PARP11: variants seen among roughly 807,000 people sequenced by gnomAD.
PARP11 encodes protein mono-ADP-ribosyltransferase PARP11.
PARP11 carries 31 observed loss-of-function variants against 42.9 expected under a neutral mutation model. The ratio of observed to expected loss-of-function variants is 0.72; its 90% CI spans 0.54 to 0.98. The LOEUF (loss-of-function observed/expected upper bound fraction) is 0.98. Ranked by LOEUF, PARP11 falls within the 50% of genes least tolerant of loss-of-function variation. PARP11 has a pLI of 0.00. For synonymous variants in PARP11, 137 were observed against 127.3 expected (o/e 1.08, Z -0.51); for missense variants, 365 against 413.1 (o/e 0.88, Z 1.01).
intron 6 of PARP11, among the ~76,000 whole-genome samples, chr12:3,815,438 C>T (rs573176297): frequency 6.6e-6 from 1 of 152,324 alleles, no homozygotes; most frequent in South Asian, 2.1e-4. Flanking sequence ...AACAACATTG[C>T]AAATTTGAAC....
intron 4 of PARP11, among the ~76,000 whole-genome samples, chr12:3,822,456 A>G (rs12317099): frequency 0.091 from 10,643 of 117,390 alleles, 1,041 homozygotes; most frequent in East Asian, 0.18. Flanking sequence ...AAAATTAGCC[A>G]GGCGTGGGGG....
chr12:3,865,495 T>C (rs961435254), intron 1 of PARP11, among the ~76,000 whole-genome samples: 1 of 152,162 alleles, frequency 6.6e-6, no homozygotes. Context: ...CTATTTCTTA[T>C]TGCTATTCTA....
At chr12:3,843,339 C>G (rs1947932397) in intron 1 of PARP11, among the ~76,000 whole-genome samples, 1 of 152,170 alleles carries the variant, frequency 6.6e-6, no homozygotes, top group African/African-American at 2.4e-5. Flanking sequence ...CTGCATCAGT[C>G]AGAACTGCAG....
At chr12:3,858,671 T>C (rs138076334) in intron 1 of PARP11, among the ~76,000 whole-genome samples, 241 of 152,374 alleles carry the variant, frequency 1.6e-3, no homozygotes, top group African/African-American at 5.4e-3. Context: ...CTGTTTGCTG[T>C]TGCTGTTGTT....
At chr12:3,828,868 C>G in intron 3 of PARP11, 42 bp downstream of exon 3, 1 of 1,567,924 alleles carries the variant, frequency 6.4e-7, no homozygotes, top group Non-Finnish European at 8.8e-7. Flanking sequence ...TTTATCATAT[C>G]AATATACTAA....
chr12:3,835,329 T>C (rs188007515), intron 1 of PARP11, among the ~76,000 whole-genome samples: 1 of 152,228 alleles, frequency 6.6e-6, no homozygotes, highest in Non-Finnish European at 1.5e-5. Context: ...AGCTACACAC[T>C]GTGAGGAAAA....
chr12:3,826,806 G>A (rs756042010), intron 3 of PARP11, among the ~76,000 whole-genome samples: 1 of 152,160 alleles, frequency 6.6e-6, no homozygotes, highest in African/African-American at 2.4e-5. Flanking sequence ...AGTGATAAGA[G>A]ACTAAGTACT....
chr12:3,827,670 A>T (rs1167122403), intron 3 of PARP11, among the ~76,000 whole-genome samples: 1 of 152,214 alleles, frequency 6.6e-6, no homozygotes, highest in Non-Finnish European at 1.5e-5. Context: ...TAATTAAAAA[A>T]AAAAGCAAGA....
intron 1 of PARP11, chr12:3,871,658 C>T (rs1948482190): frequency 6.6e-6 from 1 of 152,132 alleles, no homozygotes; most frequent in South Asian, 2.1e-4. Flanking sequence ...ACCATTTTTC[C>T]AGTCAACTCC....
In PARP11 at chr12:3,821,894, T is replaced by C. The variant is rs1464998067; in HGVS notation, c.527A>G (p.Asp176Gly). ...IKRIQRIQNL[D>G]LWEFFCRKKA... is the part of the protein sequence containing the mutation. The stretch of plus-strand genomic sequence containing the variant: ...TCACCTGCAAAAGAACTCCCACAAA[T>C]CTAGGTTTTGAATTCTCTGAATTCT... The change falls in exon 6 of 8, where the codon GAT becomes GGT. Residue 176 changes from aspartate (D) to glycine (G), a missense_variant. Asp to Gly is a moderately conservative substitution (Grantham distance 94). Coordinates refer to ENST00000228820, the MANE Select transcript of PARP11 (RefSeq NM_020367.6). The C allele has an allele frequency of 8.7e-6, 14 of 1,607,348 alleles. No individual in the cohort carries two copies. The highest frequency in any genetic ancestry group is 1.2e-5 in the Non-Finnish European group (14 of 1,178,608).
At position 3,811,827 on chromosome 12, in the gene PARP11, A is replaced by C; in HGVS notation, c.*296T>G. The C allele has an allele frequency of 3.1e-6, 1 of 327,714 alleles. No individual in the cohort carries two copies. Among genetic ancestry groups the C allele is most frequent in the Non-Finnish European group, 5.5e-6 (1 of 182,564 alleles). 20.3% of individuals were successfully genotyped at this position (327,714 alleles called of 1,614,324 possible). A position where few individuals can be genotyped will look rare whatever the true frequency, so the allele number is the denominator to read the frequency against. On this transcript the variant is annotated 3_prime_UTR_variant, in exon 8 of 8. Transcript: ENST00000228820. ...CACACACGTAAACTTTAAAGATCTC[A>C]ATGACCACATTAGTTGAGACTCAGC...
Position 3,810,254 on chromosome 12 carries a change from T to A in PARP11, c.*1869A>T, listed in dbSNP as rs1481964786. On this transcript the variant is annotated 3_prime_UTR_variant, in exon 8 of 8. Coordinates refer to ENST00000228820, the MANE Select transcript of PARP11 (RefSeq NM_020367.6). ...AGAAGGAGTTAAGAGAAAAGCTTTCTGAAAAAGGCTTGGTATACGTGCTGT... is the reference window on the plus strand; with the variant it reads ...AGAAGGAGTTAAGAGAAAAGCTTTCAGAAAAAGGCTTGGTATACGTGCTGT... 1 of 152,140 alleles carries A rather than the reference T, an allele frequency of 6.6e-6. No individual in the cohort carries two copies. Among genetic ancestry groups the A allele is most frequent in the Non-Finnish European group, 1.5e-5 (1 of 68,002 alleles). The allele number at this position is 152,140 out of a possible 1,614,324, so 9.4% of individuals were successfully genotyped here.
intron 1 of PARP11, 52 bp downstream of exon 1, chr12:3,873,160 T>G: frequency 1.4e-5 from 15 of 1,081,962 alleles, no homozygotes; most frequent in Non-Finnish European, 1.8e-5. Flanking sequence ...CTCCCGCCCC[T>G]CTCTCATCAA....
chr12:3,834,313 G>A (rs1208336688), intron 1 of PARP11, among the ~76,000 whole-genome samples: 2 of 152,206 alleles, frequency 1.3e-5, no homozygotes, highest in African/African-American at 2.4e-5. Flanking sequence ...GGAACAGAGA[G>A]CAGAACCCCA....
intron 1 of PARP11, among the ~76,000 whole-genome samples, chr12:3,871,506 G>A (rs1470277916): frequency 6.6e-6 from 1 of 152,118 alleles, no homozygotes; most frequent in Non-Finnish European, 1.5e-5. Flanking sequence ...AGCCTTAGGT[G>A]TGTAGCAGGC....
intron 1 of PARP11, among the ~76,000 whole-genome samples, chr12:3,844,675 A>C (rs974218376): frequency 6.6e-6 from 1 of 152,204 alleles, no homozygotes; most frequent in African/African-American, 2.4e-5. Context: ...TGAAGGAAAC[A>C]CTGATTTGCT....
rs992783343 is a variant in PARP11, at chr12:3,822,166, A to G, written c.345-9T>C. ...CGTTTTCACAGATGTAACTTGAAAC[A>G]GCAAAAGAGAAAACAAAATATCAGA... On this transcript the variant is annotated splice_polypyrimidine_tract_variant and intron_variant, in intron 4 of 7. Coordinates refer to ENST00000228820, the MANE Select transcript of PARP11 (RefSeq NM_020367.6). The G allele has an allele frequency of 6.2e-7, 1 of 1,608,156 alleles. No individual in the cohort carries two copies. Among genetic ancestry groups the G allele is most frequent in the African/African-American group, 1.3e-5 (1 of 74,722 alleles).
At chr12:3,828,375 T>A (rs549616594) in intron 3 of PARP11, among the ~76,000 whole-genome samples, 1 of 151,970 alleles carries the variant, frequency 6.6e-6, no homozygotes, top group East Asian at 1.9e-4. Context: ...GATGAAACGC[T>A]GTCTCTACTA....
rs148214469 is a variant in PARP11 at position 3,850,637 on chromosome 12, T to C, written c.19-20619A>G. ...CACAAGAGGCCAATATCTATGTGCATTACTGTGTTTTTTTCTTATTCTCTG... is the reference window on the plus strand; with the variant it reads ...CACAAGAGGCCAATATCTATGTGCACTACTGTGTTTTTTTCTTATTCTCTG... On this transcript the variant is annotated intron_variant, in intron 1 of 7. Coordinates refer to ENST00000228820, the MANE Select transcript of PARP11 (RefSeq NM_020367.6). Among the ~76,000 whole-genome samples the C allele has an allele frequency of 9.2e-5, 14 of 152,106 alleles. 1 individual carries two copies. In the East Asian group the frequency reaches 2.7e-3, roughly 29 times the overall value.
Sources: allele counts gnomAD v4.1 joint callset (sites outside exome capture counted in the v4.1 genomes callset), GRCh38; gene constraint gnomAD v4.1.1; transcripts MANE v1.5; gene names NCBI Gene and HGNC (gene_info 2026-07-23, HGNC 2026-07-21).